SAMD5: variants seen among roughly 807,000 people sequenced by gnomAD.
SAMD5 encodes sterile alpha motif domain containing 5.
In SAMD5, 13 loss-of-function variants were observed where a neutral mutation model predicts 11.3. The observed-to-expected ratio is 1.15, with a 90% CI of 0.75 to 1.83. SAMD5 has a LOEUF of 1.83. Among genes scored for constraint, SAMD5 ranks in the 40% most tolerant of loss-of-function variants. The pLI is 0.00. For synonymous variants in SAMD5, 129 were observed against 111.3 expected, an observed-to-expected ratio of 1.16 and a Z score of -1.00; for missense variants, 255 against 239.1, an observed-to-expected ratio of 1.07 and a Z score of -0.44.
chr6:147,566,937 AC>A lies in SAMD5; in HGVS notation c.*2483del. On this transcript the variant is annotated 3_prime_UTR_variant, in exon 2 of 2. Transcript: ENST00000367474. ...CAGCGTTTTTCCTCTGTATCTAAAC[AC>A]CAATAATATACTTAATTTTTGAATA... 1 of 875,980 alleles carries A rather than the reference AC, an allele frequency of 1.1e-6. No individual in the cohort carries two copies. Among genetic ancestry groups the A allele is most frequent in the African/African-American group, 1.8e-5 (1 of 54,844 alleles). 54.3% of individuals were successfully genotyped at this position (875,980 alleles called of 1,614,324 possible).
chr6:147,678,114 T>G (rs528867980), intron 1 of SAMD5, among the ~76,000 whole-genome samples: 20 of 152,340 alleles, frequency 1.3e-4, no homozygotes, highest in African/African-American at 4.6e-4. Flanking sequence ...TAAGATTGTC[T>G]TATTTTATAC....
chr6:147,564,719 C>G lies in SAMD5; in HGVS notation c.*263C>G. The G allele has an allele frequency of 8.9e-7, 1 of 1,121,946 alleles. No homozygotes were observed. Among genetic ancestry groups the G allele is most frequent in the Non-Finnish European group, 1.1e-6 (1 of 916,506 alleles). 69.5% of individuals were successfully genotyped at this position (1,121,946 alleles called of 1,614,324 possible). A position where few individuals can be genotyped will look rare whatever the true frequency, so the allele number is the denominator to read the frequency against. Reference sequence around the variant, plus strand: ...TTTAAGAAGATATCATGATGAGATACAGTCTTATGCATTTCTTGGCATTCT... The same window carrying G: ...TTTAAGAAGATATCATGATGAGATAGAGTCTTATGCATTTCTTGGCATTCT... On this transcript the variant is annotated 3_prime_UTR_variant, in exon 2 of 2. Coordinates refer to ENST00000367474, the MANE Select transcript of SAMD5 (RefSeq NM_001030060.3).
the SAMD5 span, among the ~76,000 whole-genome samples, chr6:147,774,476 G>A: frequency 3.3e-5 from 5 of 152,006 alleles, 1 homozygote; most frequent in South Asian, 6.2e-4. Context: ...TATAACCTAC[G>A]CATATCCTCC....
chr6:147,801,043 A>G, the SAMD5 span, among the ~76,000 whole-genome samples: 1 of 152,192 alleles, frequency 6.6e-6, no homozygotes, highest in Non-Finnish European at 1.5e-5. Flanking sequence ...AATTGAGAAG[A>G]CATTACTGGT....
the SAMD5 span, among the ~76,000 whole-genome samples, chr6:147,916,340 A>C: frequency 5.9e-5 from 9 of 152,090 alleles, no homozygotes; most frequent in Admixed American, 5.9e-4. Flanking sequence ...TGTCTTCCAC[A>C]ATGGTTGAAC....
chr6:147,908,562 G>A, the SAMD5 span, among the ~76,000 whole-genome samples: 1 of 152,166 alleles, frequency 6.6e-6, no homozygotes, highest in Non-Finnish European at 1.5e-5. Context: ...GTCATGAGCT[G>A]GATCATTGGG....
At chr6:147,890,361 C>CT in the SAMD5 span, among the ~76,000 whole-genome samples, 2,122 of 140,714 alleles carry the variant, frequency 0.015, 36 homozygotes, top group African/African-American at 0.047. Context: ...TTTCAATTAT[C>CT]TTTTTTTTTT....
intron 1 of SAMD5, among the ~76,000 whole-genome samples, chr6:147,601,160 T>A (rs1383256287): frequency 3.3e-5 from 5 of 152,216 alleles, no homozygotes; most frequent in Non-Finnish European, 7.3e-5. Flanking sequence ...CAGTGGAGCA[T>A]GTTTGAGATC....
At chr6:147,591,549 T>G (rs775606692) in intron 1 of SAMD5, among the ~76,000 whole-genome samples, 3 of 152,156 alleles carry the variant, frequency 2.0e-5, no homozygotes, top group Non-Finnish European at 4.4e-5. Context: ...TGTGACACTT[T>G]ATGCATAGTT....
chr6:147,644,395 A>G (rs1790365938), intron 1 of SAMD5, among the ~76,000 whole-genome samples: 1 of 152,180 alleles, frequency 6.6e-6, no homozygotes, highest in Admixed American at 6.5e-5. Flanking sequence ...TTTGGAAAAT[A>G]TTTTTGAAGT....
chr6:147,760,313 A>G, the SAMD5 span, among the ~76,000 whole-genome samples: 2 of 152,202 alleles, frequency 1.3e-5, no homozygotes, highest in African/African-American at 2.4e-5. Context: ...ATAGTTTTGT[A>G]TGAAAGCACA....
chr6:147,816,280 C>CAAAAAAAAAAAA, the SAMD5 span, among the ~76,000 whole-genome samples: 14 of 12,708 alleles, frequency 1.1e-3, 4 homozygotes, highest in Admixed American at 3.3e-3. Flanking sequence ...AACTCCGTCT[C>CAAAAAAAAAAAA]CAAAAAAAAA....
At chr6:147,677,147 G>A (rs947811803) in intron 1 of SAMD5, among the ~76,000 whole-genome samples, 9 of 152,098 alleles carry the variant, frequency 5.9e-5, no homozygotes, top group East Asian at 1.9e-4. Flanking sequence ...GGTGTGCTGC[G>A]GATAGTCATG....
intron 1 of SAMD5, among the ~76,000 whole-genome samples, chr6:147,511,671 C>T (rs1788093293): frequency 6.7e-6 from 1 of 150,136 alleles, no homozygotes; most frequent in Admixed American, 6.6e-5. Context: ...TTGTAACACA[C>T]ACTGAAATAG....
intron 1 of SAMD5, among the ~76,000 whole-genome samples, chr6:147,658,980 A>G (rs1036186987): frequency 1.3e-5 from 2 of 152,220 alleles, no homozygotes; most frequent in African/African-American, 4.8e-5. Flanking sequence ...GAACTACTAA[A>G]GCAGATTGAC....
intron 1 of SAMD5, among the ~76,000 whole-genome samples, chr6:147,691,078 C>A (rs1197558621): frequency 1.3e-5 from 2 of 151,700 alleles, no homozygotes; most frequent in Non-Finnish European, 2.9e-5. Context: ...TACTGCAACA[C>A]CCCCCTCCCG....
At chr6:147,762,985 T>C in the SAMD5 span, among the ~76,000 whole-genome samples, 1 of 152,176 alleles carries the variant, frequency 6.6e-6, no homozygotes, top group Non-Finnish European at 1.5e-5. Flanking sequence ...AGCTACCTTT[T>C]TGTTTATTTT....
At chr6:147,905,327 G>A in the SAMD5 span, among the ~76,000 whole-genome samples, 3 of 152,026 alleles carry the variant, frequency 2.0e-5, no homozygotes, top group Non-Finnish European at 4.4e-5. Flanking sequence ...GATTACAGGC[G>A]TGTGCCACCA....
intron 1 of SAMD5, among the ~76,000 whole-genome samples, chr6:147,629,948 CTT>C (rs770484060): frequency 0.13 from 16,093 of 123,010 alleles, 1,255 homozygotes; most frequent in African/African-American, 0.27. Context: ...GTTTTCTTTT[CTT>C]TTTTTTTTTT....
Sources: gnomAD v4.1 joint callset for allele counts (sites outside exome capture counted in the v4.1 genomes callset) on GRCh38, gnomAD v4.1.1 for gene constraint, MANE v1.5 for transcripts, NCBI Gene and HGNC (gene_info 2026-07-23, HGNC 2026-07-21) for gene names.